Variants in AK9 observed in about 807,000 individuals in gnomAD.
The protein encoded by AK9 is adenylate kinase 9.
Under a neutral mutation model 239.6 loss-of-function variants are expected in AK9, and 191 were observed. The ratio of observed to expected loss-of-function variants is 0.80; its 90% CI spans 0.71 to 0.90. The LOEUF is 0.90. Among genes scored for constraint, AK9 ranks in the 40% least tolerant of loss-of-function variants. The pLI is 0.00. For synonymous variants in AK9, 689 were observed against 721.0 expected (o/e 0.96, Z 0.71); for missense variants, 1,995 against 2,214.7 (o/e 0.90, Z 1.99).
chr6:109,613,743 A>C (rs937999232), intron 15 of AK9, among the ~76,000 whole-genome samples: 1 of 151,442 alleles, frequency 6.6e-6, no homozygotes, highest in Non-Finnish European at 1.5e-5. Context: ...TAATTATTAT[A>C]TAATGTAATG....
intron 35 of AK9, among the ~76,000 whole-genome samples, chr6:109,504,616 C>A (rs1777922831): frequency 2.0e-5 from 3 of 151,948 alleles, no homozygotes; most frequent in Non-Finnish European, 4.4e-5. Flanking sequence ...TGAGCCCAGC[C>A]TGGTCAACAT....
In AK9 at chr6:109,585,904, A is replaced by G. The variant is rs1260994608; in HGVS notation, c.1999+12T>C. Reference sequence around the variant, plus strand: ...CTTCACTTTCAAATTTACATAATAAATATTTACCAACCATTGTTTTCTGTA... The same window carrying G: ...CTTCACTTTCAAATTTACATAATAAGTATTTACCAACCATTGTTTTCTGTA... On this transcript the variant is annotated intron_variant, in intron 18 of 40. Transcript: ENST00000424296. The G allele has an allele frequency of 2.6e-6, 4 of 1,529,886 alleles. No individual in the cohort carries two copies. In the East Asian group the frequency reaches 9.9e-5, roughly 38 times the overall value. 94.8% of individuals were successfully genotyped at this position (1,529,886 alleles called of 1,614,324 possible).
At chr6:109,534,193 C>G (rs1236510833) in intron 27 of AK9, among the ~76,000 whole-genome samples, 1 of 147,162 alleles carries the variant, frequency 6.8e-6, no homozygotes, top group Non-Finnish European at 1.5e-5. Context: ...GCACTCCAGC[C>G]TGGGAAACAA....
chr6:109,570,154 A>G (rs1417789049), intron 21 of AK9, among the ~76,000 whole-genome samples: 1 of 152,160 alleles, frequency 6.6e-6, no homozygotes, highest in Non-Finnish European at 1.5e-5. Flanking sequence ...GCTGGAAACC[A>G]TCATTCTCAG....
rs1322794787 is a variant in AK9, at chr6:109,514,341, C to T, written c.4162G>A (p.Glu1388Lys). ...TTCTTCATAAATTTTTCTTTTGTTT[C>T]TTTACTAGATAAAAAATAAATATAC... ...RQYIYFLSSK[E>K]TKEKFMKNPI... is the part of the protein sequence containing the mutation. The change falls in exon 32 of 41, where the codon GAA becomes AAA. Residue 1388 changes from glutamate to lysine, a missense_variant. Physicochemically the swap from Glu to Lys is moderately conservative, Grantham distance 56. Transcript: ENST00000424296. The T allele has an allele frequency of 2.6e-6, 4 of 1,550,972 alleles. No individual in the cohort carries two copies. Among genetic ancestry groups the T allele is most frequent in the South Asian group, 1.2e-5 (1 of 83,974 alleles).
intron 27 of AK9, 86 bp from the exon 28 acceptor site, chr6:109,533,556 C>A: frequency 8.8e-7 from 1 of 1,130,582 alleles, no homozygotes; most frequent in Non-Finnish European, 1.2e-6. Flanking sequence ...GATCATTATA[C>A]AAGGTATATT....
chr6:109,687,578 A>G (rs1011518095), intron 1 of AK9, among the ~76,000 whole-genome samples: 1 of 152,220 alleles, frequency 6.6e-6, no homozygotes, highest in African/African-American at 2.4e-5. Context: ...CCCTGCCAAC[A>G]GCTGGTAAGA....
intron 12 of AK9, among the ~76,000 whole-genome samples, chr6:109,620,957 T>C (rs561823859): frequency 6.6e-6 from 1 of 152,106 alleles, no homozygotes; most frequent in South Asian, 2.1e-4. Context: ...CTAAATTCCA[T>C]GCATATCCTT....
At chr6:109,677,702 C>T (rs977213033) in intron 1 of AK9, among the ~76,000 whole-genome samples, 1 of 152,026 alleles carries the variant, frequency 6.6e-6, no homozygotes, top group African/African-American at 2.4e-5. Flanking sequence ...ATTCTTTTCA[C>T]TGAGTTTAAA....
At chr6:109,689,034 G>A (rs1773924177) in intron 1 of AK9, among the ~76,000 whole-genome samples, 1 of 152,160 alleles carries the variant, frequency 6.6e-6, no homozygotes, top group African/African-American at 2.4e-5. Flanking sequence ...ATGCTCCTCA[G>A]GGATGAAAGC....
rs1196502908 is a variant in AK9 at position 109,610,429 on chromosome 6, T to C, written c.1778A>G (p.Gln593Arg). Residue 593 changes from glutamine (Q) to arginine (R), a missense_variant, in exon 17 of 41, where the codon CAG becomes CGG. Coordinates refer to ENST00000424296, the MANE Select transcript of AK9 (RefSeq NM_001145128.3). ...ATATGGCTGTTCAAAGTTTATATCC[T>C]GTGACATTTTTATAGTCTCTTCAAT... ...TMIEETIKMS[Q>R]DINFEQPYEK... 6.4e-7 allele frequency: 1 copy of C among 1,551,624 alleles called. No homozygotes were observed. The highest frequency in any genetic ancestry group is 8.7e-7 in the Non-Finnish European group (1 of 1,146,884).
chr6:109,646,964 C>T (rs1431283179), intron 8 of AK9, among the ~76,000 whole-genome samples: 1 of 152,156 alleles, frequency 6.6e-6, no homozygotes, highest in African/African-American at 2.4e-5. Context: ...AATTTTCAAC[C>T]CAGAATTTCA....
Position 109,604,298 on chromosome 6 carries a change from G to C in AK9, c.1842+6067C>G, listed in dbSNP as rs73519227. Among the ~76,000 whole-genome samples, 1,246 of 152,196 alleles carry C rather than the reference G, an allele frequency of 8.2e-3. 26 individuals are homozygous for C. Among genetic ancestry groups the C allele is most frequent in the African/African-American group, 0.027 (1,106 of 41,508 alleles). On this transcript the variant is annotated intron_variant, in intron 17 of 40. Transcript: ENST00000424296. ...CCTTACAAGTTCTTCCATTGCATTT[G>C]TGTCTGGAATCCTTGACCATTCCAA...
chr6:109,642,379 T>C (rs903791076), intron 9 of AK9, among the ~76,000 whole-genome samples: 2 of 152,192 alleles, frequency 1.3e-5, no homozygotes, highest in Non-Finnish European at 2.9e-5. Flanking sequence ...TGGTGTGTGG[T>C]AGCCTGTGAC....
chr6:109,594,848 C>A (rs149530825), intron 17 of AK9, among the ~76,000 whole-genome samples: 6,504 of 152,052 alleles, frequency 0.043, 179 homozygotes, highest in South Asian at 0.089. Context: ...ACACCTTATA[C>A]AAAATTAACT....
intron 12 of AK9, among the ~76,000 whole-genome samples, chr6:109,629,299 C>A (rs1260289366): frequency 1.3e-5 from 2 of 151,936 alleles, no homozygotes; most frequent in African/African-American, 4.8e-5. Context: ...GACTCAAATT[C>A]TATAATGTAA....
chr6:109,682,741 T>C (rs1310404448), intron 1 of AK9, among the ~76,000 whole-genome samples: 2 of 152,096 alleles, frequency 1.3e-5, no homozygotes, highest in Admixed American at 1.3e-4. Context: ...AGCTCTGAAA[T>C]TGAGGCAGTG....
intron 35 of AK9, among the ~76,000 whole-genome samples, chr6:109,503,529 AG>A (rs1777802621): frequency 6.6e-6 from 1 of 152,162 alleles, no homozygotes; most frequent in African/African-American, 2.4e-5. Context: ...CTGGTAGGAG[AG>A]GATCATTTGA....
At chr6:109,638,045 G>C (rs1421671718) in intron 10 of AK9, among the ~76,000 whole-genome samples, 1 of 152,136 alleles carries the variant, frequency 6.6e-6, no homozygotes, top group Non-Finnish European at 1.5e-5. Context: ...CTGCTTAAGG[G>C]ATATGAATAA....
Sources: gnomAD v4.1 joint callset for allele counts (sites outside exome capture counted in the v4.1 genomes callset) on GRCh38, gnomAD v4.1.1 for gene constraint, MANE v1.5 for transcripts, NCBI Gene and HGNC (gene_info 2026-07-23, HGNC 2026-07-21) for gene names.